Variants in CAND1 observed in about 807,000 individuals in gnomAD.
The protein encoded by CAND1 is cullin associated and neddylation dissociated 1, also known as cullin-associated NEDD8-dissociated protein 1.
CAND1 carries 7 observed loss-of-function variants against 108.5 expected under a neutral mutation model. The ratio of observed to expected loss-of-function variants is 0.06; its 90% CI spans 0.04 to 0.12. The LOEUF is 0.12. Among genes scored for constraint, CAND1 ranks in the 10% least tolerant of loss-of-function variants. CAND1 has a pLI of 1.00. For missense variants in CAND1, 941 were observed against 1,448.7 expected (o/e 0.65, Z 5.69); for synonymous variants, 534 against 512.0 (o/e 1.04, Z -0.58).
In CAND1 at chr12:67,297,848, A is replaced by G. The variant is rs755051413; in HGVS notation, c.849A>G (p.Val283=). 8.3e-6 allele frequency: 13 copies of G among 1,562,784 alleles called. No individual in the cohort carries two copies. The highest frequency in any genetic ancestry group is 2.3e-5 in the South Asian group (2 of 85,596). ...EYCIQAFESF[V]RRCPKEVYPH... is the part of the protein sequence containing the mutation. ...GTATTCAAGCCTTTGAATCATTTGT[A>G]AGAAGGTAAGTTTTTAAGATCTCTA... The change falls in exon 6 of 15, where the codon GTA becomes GTG. Residue 283 remains valine (V), a synonymous_variant. Coordinates refer to ENST00000545606, the MANE Select transcript of CAND1 (RefSeq NM_018448.5).
At position 67,302,574 on chromosome 12, in the gene CAND1, A is replaced by G. The variant is rs776752706; in HGVS notation, c.1252A>G (p.Met418Val). 5.6e-6 allele frequency: 9 copies of G among 1,614,112 alleles called. No homozygotes were observed. Among genetic ancestry groups the G allele is most frequent in the South Asian group, 1.1e-5 (1 of 91,082 alleles). Reference protein sequence around the residue: ...VQSWLCDPDAMEQGETPLTML... With the variant: ...VQSWLCDPDAVEQGETPLTML... ...AAGTTGGCTATGTGACCCTGATGCAATGGAGCAGGGAGAAACACCTTTAAC... is the reference window on the plus strand; with the variant it reads ...AAGTTGGCTATGTGACCCTGATGCAGTGGAGCAGGGAGAAACACCTTTAAC... The change falls in exon 8 of 15, where the codon ATG becomes GTG. Residue 418 changes from methionine to valine, a missense_variant. Met to Val is a conservative substitution (Grantham distance 21). Around this residue, in one of 9 missense-constraint regions of CAND1, gnomAD observed 697 missense variants for 942.0 expected, o/e 0.74. Coordinates refer to ENST00000545606, the MANE Select transcript of CAND1 (RefSeq NM_018448.5).
In CAND1 at chr12:67,269,511, C is replaced by T. The variant is rs1475285836; in HGVS notation, c.-207C>T. 5.5e-6 allele frequency: 3 copies of T among 546,268 alleles called. No homozygotes were observed. Among genetic ancestry groups the T allele is most frequent in the Non-Finnish European group, 9.5e-6 (3 of 314,658 alleles). 33.8% of individuals were successfully genotyped at this position (546,268 alleles called of 1,614,324 possible). Reference sequence around the variant, plus strand: ...CGTCGTTAGGCTGGCTCTGTAGCCTCGGCTTACCCCGGGACAGGCCCACGC... The same window carrying T: ...CGTCGTTAGGCTGGCTCTGTAGCCTTGGCTTACCCCGGGACAGGCCCACGC... On this transcript the variant is annotated 5_prime_UTR_variant, in exon 1 of 15. Coordinates refer to ENST00000545606, the MANE Select transcript of CAND1 (RefSeq NM_018448.5).
chr12:67,307,557 C>T, intron 11 of CAND1, 65 bp downstream of exon 11: 1 of 953,198 alleles, frequency 1.0e-6, no homozygotes, highest in South Asian at 1.5e-5. Flanking sequence ...AACTCTTGAA[C>T]TTAGTAACTA....
intron 1 of CAND1, chr12:67,270,640 G>A (rs887487939): frequency 9.2e-5 from 14 of 152,008 alleles, no homozygotes; most frequent in African/African-American, 3.4e-4. Flanking sequence ...GTTCCAAAGT[G>A]TTGTAATATG....
At chr12:67,294,201 C>G (rs1387102526) in intron 3 of CAND1, among the ~76,000 whole-genome samples, 1 of 152,036 alleles carries the variant, frequency 6.6e-6, no homozygotes, top group Non-Finnish European at 1.5e-5. Flanking sequence ...CCGGTTCTTA[C>G]AAGAATTTTT....
chr12:67,284,860 A>G (rs368831126), intron 2 of CAND1, among the ~76,000 whole-genome samples: 23 of 93,178 alleles, frequency 2.5e-4, no homozygotes, highest in East Asian at 1.3e-3. Flanking sequence ...GTCAGGGACA[A>G]GGCAAATATG....
At chr12:67,293,043 G>A (rs2136005499) in intron 3 of CAND1, 1 of 365,748 alleles carries the variant, frequency 2.7e-6, no homozygotes, top group South Asian at 2.8e-5. Context: ...TATACTGTGT[G>A]TACCATGACT....
chr12:67,304,834 A>G, intron 9 of CAND1, 88 bp downstream of exon 9: 1 of 1,474,418 alleles, frequency 6.8e-7, no homozygotes. Flanking sequence ...TTCCTTTTAA[A>G]GGAATATATG....
intron 1 of CAND1, among the ~76,000 whole-genome samples, chr12:67,275,798 C>T (rs1204452719): frequency 6.6e-6 from 1 of 152,120 alleles, no homozygotes; most frequent in Non-Finnish European, 1.5e-5. Context: ...CTGTGTTACT[C>T]ATCACTGTGT....
chr12:67,312,902 A>C lies in CAND1; in HGVS notation c.*72A>C. On this transcript the variant is annotated 3_prime_UTR_variant, in exon 15 of 15. Transcript: ENST00000545606. ...TGAATTGACAGGTTAATCATAAGAC[A>C]TGGAAAGAGAAGTGTCTAAAAGCTT... 1 of 990,106 alleles carries C rather than the reference A, an allele frequency of 1.0e-6. No homozygotes were observed. The highest frequency in any genetic ancestry group is 1.5e-6 in the Non-Finnish European group (1 of 670,728). The allele number at this position is 990,106 out of a possible 1,614,324, so 61.3% of individuals were successfully genotyped here.
At chr12:67,278,151 T>C (rs1158606481) in intron 1 of CAND1, among the ~76,000 whole-genome samples, 1 of 152,176 alleles carries the variant, frequency 6.6e-6, no homozygotes, top group East Asian at 1.9e-4. Context: ...CTTTATTTAT[T>C]TTTGAGACAG....
chr12:67,292,496 G>T, intron 2 of CAND1, 126 bp from the exon 3 acceptor site: 1 of 611,606 alleles, frequency 1.6e-6, no homozygotes, highest in Admixed American at 3.8e-5. Flanking sequence ...TACTATTTAT[G>T]ATACAGACAT....
At chr12:67,304,263 C>G (rs1169274183) in intron 8 of CAND1, among the ~76,000 whole-genome samples, 1 of 152,174 alleles carries the variant, frequency 6.6e-6, no homozygotes, top group African/African-American at 2.4e-5. Flanking sequence ...GCTGGGATTA[C>G]AGGCGTGAGC....
chr12:67,311,555 T>TAAGTG (rs1565731175), intron 13 of CAND1, 138 bp from the exon 14 acceptor site: 4 of 196,688 alleles, frequency 2.0e-5, no homozygotes, highest in South Asian at 3.2e-5. Flanking sequence ...TCTGTCTGAT[T>TAAGTG]CTGATTGGCA....
Position 67,316,146 on chromosome 12 carries a change from T to G in CAND1, c.*3316T>G, listed in dbSNP as rs2045005574. Reference sequence around the variant, plus strand: ...ATTTTCAAACCACTGCTACCCCAGATTCATACCTGTTTTTGAAATCTTGTT... The same window carrying G: ...ATTTTCAAACCACTGCTACCCCAGAGTCATACCTGTTTTTGAAATCTTGTT... On this transcript the variant is annotated 3_prime_UTR_variant, in exon 15 of 15. Transcript: ENST00000545606. 6.6e-6 allele frequency: 1 copy of G among 152,228 alleles called. No individual in the cohort carries two copies. Among genetic ancestry groups the G allele is most frequent in the South Asian group, 2.1e-4 (1 of 4,838 alleles). 9.4% of individuals were successfully genotyped at this position (152,228 alleles called of 1,614,324 possible). A position where few individuals can be genotyped will look rare whatever the true frequency, so the allele number is the denominator to read the frequency against.
In CAND1 at chr12:67,314,797, C is replaced by G. The variant is rs1160827326; in HGVS notation, c.*1967C>G. 6.6e-6 allele frequency: 1 copy of G among 152,168 alleles called. No individual in the cohort carries two copies. Among genetic ancestry groups the G allele is most frequent in the African/African-American group, 2.4e-5 (1 of 41,436 alleles). The allele number at this position is 152,168 out of a possible 1,614,324, so 9.4% of individuals were successfully genotyped here. A position where few individuals can be genotyped will look rare whatever the true frequency, so the allele number is the denominator to read the frequency against. On this transcript the variant is annotated 3_prime_UTR_variant, in exon 15 of 15. Transcript: ENST00000545606. ...ATTCATTTTTCTAACAGTTGAAATTCTTTTAGTACTAAAGAAATAGATACT... is the reference window on the plus strand; with the variant it reads ...ATTCATTTTTCTAACAGTTGAAATTGTTTTAGTACTAAAGAAATAGATACT...
chr12:67,297,518 T>C lies in CAND1; in HGVS notation c.603T>C (p.His201=). 6.2e-7 allele frequency: 1 copy of C among 1,614,152 alleles called. No homozygotes were observed. Among genetic ancestry groups the C allele is most frequent in the Non-Finnish European group, 8.5e-7 (1 of 1,179,996 alleles). The change falls in exon 5 of 15, where the codon CAT becomes CAC. Residue 201 remains histidine (H), a synonymous_variant. Transcript: ENST00000545606. ...VRKRTIIALG[H]LVMSCGNIVF... The stretch of plus-strand genomic sequence containing the variant: ...AAAGAACCATTATCGCTCTTGGCCA[T>C]CTGGTTATGAGCTGTGGAAATATAG...
intron 1 of CAND1, among the ~76,000 whole-genome samples, chr12:67,274,243 T>A (rs1397912044): frequency 6.6e-6 from 1 of 152,234 alleles, no homozygotes; most frequent in Non-Finnish European, 1.5e-5. Flanking sequence ...TAAATCTACA[T>A]GCTTGTTGAA....
At chr12:67,300,804 A>G (rs2044817858) in intron 7 of CAND1, among the ~76,000 whole-genome samples, 1 of 152,184 alleles carries the variant, frequency 6.6e-6, no homozygotes, top group African/African-American at 2.4e-5. Flanking sequence ...GTATTAATGA[A>G]GGGAAACTTT....
Sources: allele counts gnomAD v4.1 joint callset (sites outside exome capture counted in the v4.1 genomes callset), GRCh38; gene constraint gnomAD v4.1.1; regional missense constraint gnomAD v4.1.1; transcripts MANE v1.5; gene names NCBI Gene and HGNC (gene_info 2026-07-23, HGNC 2026-07-21).